MYT1L: variants seen among roughly 807,000 people sequenced by gnomAD.
MYT1L encodes the protein myelin transcription factor 1-like protein.
Under a neutral mutation model 126.7 loss-of-function variants are expected in MYT1L, and 12 were observed. The observed-to-expected ratio is 0.09, with a 90% CI of 0.06 to 0.15. The LOEUF is 0.15. Ranked by LOEUF, MYT1L falls within the 10% of genes least tolerant of loss-of-function variation. MYT1L has a pLI of 1.00. For missense variants in MYT1L, 979 were observed against 1,585.2 expected, an observed-to-expected ratio of 0.62 and a Z score of 6.49; for synonymous variants, 541 against 604.2, an observed-to-expected ratio of 0.90 and a Z score of 1.53.
chr2:1,881,355 C>CGTGTGT lies in MYT1L; in HGVS notation c.2711+5178_2711+5183dup, dbSNP rs59171974. 5.3e-3 allele frequency among the ~76,000 whole-genome samples: 735 copies of CGTGTGT among 139,222 alleles called. 8 individuals are homozygous for CGTGTGT. The highest frequency in any genetic ancestry group is 7.8e-3 in the African/African-American group (296 of 37,990). The allele number at this position is 139,222 out of a possible 152,430, so 91.3% of individuals were successfully genotyped here. ...GTGGTTTATTGTTGGTTTGCAGGTT[C>CGTGTGT]GTGTGTGTGTGTGTGTGTGTGTGTG... is the stretch of plus-strand genomic sequence containing the variant. On this transcript the variant is annotated intron_variant, in intron 18 of 24. Transcript: ENST00000647738.
At chr2:2,325,348 C>A (rs2149723501) in intron 1 of MYT1L, 1 of 152,304 alleles carries the variant, frequency 6.6e-6, no homozygotes, top group African/African-American at 2.4e-5. Flanking sequence ...TCAGTATGAG[C>A]TTCTTGCATC....
intron 2 of MYT1L, among the ~76,000 whole-genome samples, chr2:2,276,572 G>A (rs1378612773): frequency 6.6e-6 from 1 of 152,024 alleles, no homozygotes; most frequent in African/African-American, 2.4e-5. Context: ...CTTCACCTTG[G>A]TCCTCCTGAC....
intron 19 of MYT1L, 36 bp downstream of exon 19, chr2:1,851,605 G>T (rs766685658): frequency 6.3e-7 from 1 of 1,588,166 alleles, no homozygotes; most frequent in South Asian, 1.1e-5. Flanking sequence ...CAGTGAGAAA[G>T]AGCATTTTGG....
At chr2:2,181,278 G>A (rs938635061) in intron 2 of MYT1L, among the ~76,000 whole-genome samples, 10 of 151,388 alleles carry the variant, frequency 6.6e-5, no homozygotes, top group African/African-American at 2.4e-4. Context: ...GTGTGTACCC[G>A]TGTGCGTGCA....
In MYT1L at chr2:2,295,725, TAGAG is replaced by T. The variant is rs1373946060; in HGVS notation, c.-520-11226_-520-11223del. 2.3e-3 allele frequency among the ~76,000 whole-genome samples: 30 copies of T among 13,088 alleles called. 1 individual carries two copies. The highest frequency in any genetic ancestry group is 0.012 in the Admixed American group (23 of 1,916). The allele number at this position is 13,088 out of a possible 152,430, so 8.6% of individuals were successfully genotyped here. A position where few individuals can be genotyped will look rare whatever the true frequency, so the allele number is the denominator to read the frequency against. ...AGAGACAGACAGACAGAGAGAGAGA[TAGAG>T]AGACAGACAGACAGAGAGAGAGAGA... is the stretch of plus-strand genomic sequence containing the variant. On this transcript the variant is annotated intron_variant, in intron 1 of 24. Coordinates refer to ENST00000647738, the MANE Select transcript of MYT1L (RefSeq NM_001303052.2).
At chr2:2,259,559 GA>G (rs954107934) in intron 2 of MYT1L, among the ~76,000 whole-genome samples, 7 of 151,826 alleles carry the variant, frequency 4.6e-5, no homozygotes, top group Non-Finnish European at 1.0e-4. Flanking sequence ...TAAAAGAGCT[GA>G]AAAAAAATCA....
intron 2 of MYT1L, among the ~76,000 whole-genome samples, chr2:2,192,304 TGTAAGGGACA>T (rs1234334464): frequency 4.6e-5 from 7 of 152,208 alleles, no homozygotes; most frequent in African/African-American, 9.7e-5. Flanking sequence ...ACAGAGCAGT[TGTAAGGGACA>T]GTAAGGTAAC....
chr2:1,887,404 G>A lies in MYT1L; in HGVS notation c.2642+84C>T. 6.4e-7 allele frequency: 1 copy of A among 1,565,942 alleles called. No homozygotes were observed. The highest frequency in any genetic ancestry group is 8.8e-7 in the Non-Finnish European group (1 of 1,138,358). ...GAATGTCGCATGCTCAAACGGCAAGGCATATACAGATCCAGTTTTAAAAAA... is the reference window on the plus strand; with the variant it reads ...GAATGTCGCATGCTCAAACGGCAAGACATATACAGATCCAGTTTTAAAAAA... On this transcript the variant is annotated intron_variant, in intron 17 of 24. Transcript: ENST00000647738. This position sits in a 1 kb window ranked among gnomAD's most constrained non-coding sequence, Gnocchi z 4.8.
At chr2:1,962,822 T>C (rs1288532343) in intron 8 of MYT1L, among the ~76,000 whole-genome samples, 1 of 152,226 alleles carries the variant, frequency 6.6e-6, no homozygotes, top group Non-Finnish European at 1.5e-5. Flanking sequence ...GTTCTCTTGC[T>C]ATTTCCACCA....
rs189281813 is a variant in MYT1L, at chr2:1,890,612, G to C, written c.2284-1135C>G. On this transcript the variant is annotated intron_variant, in intron 15 of 24. Transcript: ENST00000647738. ...CTGCAGCACTTGCCTCTCAGGAAGA[G>C]AGTCAGAAGAATGGACACATGGACA... is the stretch of plus-strand genomic sequence containing the variant. Among the ~76,000 whole-genome samples the C allele has an allele frequency of 4.7e-3, 715 of 152,004 alleles. 2 individuals carry two copies. Among genetic ancestry groups the C allele is most frequent in the Non-Finnish European group, 7.8e-3 (530 of 67,984 alleles).
intron 4 of MYT1L, among the ~76,000 whole-genome samples, chr2:2,027,619 C>A (rs139076924): frequency 6.6e-6 from 1 of 152,104 alleles, no homozygotes; most frequent in Non-Finnish European, 1.5e-5. Flanking sequence ...ACATCATGTA[C>A]GAAAAGATGC....
At chr2:1,819,007 G>C (rs1454438616) in intron 21 of MYT1L, among the ~76,000 whole-genome samples, 2 of 152,062 alleles carry the variant, frequency 1.3e-5, no homozygotes, top group Admixed American at 6.5e-5. Context: ...CCAGCTCCCA[G>C]CTCCCAGACC....
chr2:1,813,530 G>A (rs1266269494), intron 21 of MYT1L, among the ~76,000 whole-genome samples: 1 of 152,178 alleles, frequency 6.6e-6, no homozygotes, highest in Non-Finnish European at 1.5e-5. Flanking sequence ...ACAGGTGGAG[G>A]TGGGCAGTGG....
chr2:2,125,304 T>C (rs777601940), intron 3 of MYT1L, among the ~76,000 whole-genome samples: 2 of 152,218 alleles, frequency 1.3e-5, no homozygotes, highest in African/African-American at 2.4e-5. Flanking sequence ...AGTTTTATTA[T>C]GCCACAAAGA....
At chr2:2,204,716 G>T (rs2093241640) in intron 2 of MYT1L, among the ~76,000 whole-genome samples, 1 of 151,590 alleles carries the variant, frequency 6.6e-6, no homozygotes, top group African/African-American at 2.4e-5. Flanking sequence ...ATTCCTCAGG[G>T]ATCTAGAACT....
chr2:1,852,928 A>T lies in MYT1L; in HGVS notation c.2712-1225T>A, dbSNP rs1322255323. 6.6e-6 allele frequency among the ~76,000 whole-genome samples: 1 copy of T among 152,246 alleles called. No homozygotes were observed. Among genetic ancestry groups the T allele is most frequent in the East Asian group, 1.9e-4 (1 of 5,200 alleles). On this transcript the variant is annotated intron_variant, in intron 18 of 24. Transcript: ENST00000647738. The surrounding 1 kb of genome is among the most constrained non-coding windows in gnomAD (Gnocchi z 4.0). ...ACTATGGATAGGGTACTGGGGGCTG[A>T]GACCAGGACGGCAAAGTGCTTGCTT...
chr2:1,881,351 G>GCTGTGTGT (rs1558258712), intron 18 of MYT1L, among the ~76,000 whole-genome samples: 4 of 133,040 alleles, frequency 3.0e-5, no homozygotes, highest in African/African-American at 1.2e-4. Flanking sequence ...TTGGTTTGCA[G>GCTGTGTGT]GTTCGTGTGT....
chr2:2,010,385 T>A (rs1201772774), intron 4 of MYT1L, among the ~76,000 whole-genome samples: 1 of 152,082 alleles, frequency 6.6e-6, no homozygotes, highest in East Asian at 1.9e-4. Context: ...GTTGTTAAGT[T>A]CTGCTTGGCT....
At chr2:2,134,974 A>T (rs1314175706) in intron 3 of MYT1L, among the ~76,000 whole-genome samples, 1 of 152,086 alleles carries the variant, frequency 6.6e-6, no homozygotes, top group Middle Eastern at 3.2e-3. Flanking sequence ...GTCTCCCCAC[A>T]TTCCATTCTG....
Sources: allele counts gnomAD v4.1 joint callset (sites outside exome capture counted in the v4.1 genomes callset), GRCh38; gene constraint gnomAD v4.1.1; non-coding constraint Gnocchi (gnomAD v3.1); transcripts MANE v1.5; gene names NCBI Gene and HGNC (gene_info 2026-07-23, HGNC 2026-07-21).